The following USP2 variants were observed in gnomAD, a reference collection of about 807,000 sequenced individuals.
USP2 encodes the protein ubiquitin carboxyl-terminal hydrolase 2.
Under a neutral mutation model 72.0 loss-of-function variants are expected in USP2, and 33 were observed. That is an observed-to-expected ratio of 0.46 (90% CI 0.35 to 0.61). The LOEUF (loss-of-function observed/expected upper bound fraction) is 0.61, where lower values mean the gene tolerates loss of function less well. Ranked by LOEUF, USP2 falls within the 20% of genes least tolerant of loss-of-function variation. The pLI is 0.01. For synonymous variants in USP2, 296 were observed against 312.5 expected, an observed-to-expected ratio of 0.95 and a Z score of 0.56; for missense variants, 691 against 797.8, an observed-to-expected ratio of 0.87 and a Z score of 1.61.
At chr11:119,357,693 T>C (rs972996803) in intron 10 of USP2, 64 bp downstream of exon 10, 5 of 1,613,504 alleles carry the variant, frequency 3.1e-6, no homozygotes, top group Admixed American at 3.3e-5. Flanking sequence ...CCCTCACCTA[T>C]GGGCCCCTTG....
Position 119,357,588 on chromosome 11 carries a change from G to T in USP2, c.1504C>A (p.Leu502Met), listed in dbSNP as rs775175368. Reference sequence around the variant, plus strand: ...ATCCTGGATTCTGAGAACCGCTTCAGATCTGGCATTGACGTGAGTCAAGGA... The same window carrying T: ...ATCCTGGATTCTGAGAACCGCTTCATATCTGGCATTGACGTGAGTCAAGGA... Reference protein sequence around the residue: ...QRFPKILVLHLKRFSESRIRT... With the variant: ...QRFPKILVLHMKRFSESRIRT... Residue 502 changes from leucine (L) to methionine (M), a missense_variant and splice_region_variant, in exon 11 of 13, where the codon CTG (leucine) becomes ATG (methionine). Transcript: ENST00000260187. The T allele has an allele frequency of 8.7e-6, 14 of 1,614,054 alleles. No individual in the cohort carries two copies. The Admixed American group carries it at 2.2e-4, about 25-fold the overall frequency.
At chr11:119,362,507 G>T (rs1347415247) in intron 2 of USP2, among the ~76,000 whole-genome samples, 1 of 151,806 alleles carries the variant, frequency 6.6e-6, no homozygotes, top group Non-Finnish European at 1.5e-5. Context: ...AAGGCGGGTG[G>T]ATAACAGGAG....
intron 2 of USP2, among the ~76,000 whole-genome samples, chr11:119,371,702 G>A (rs1300884868): frequency 1.3e-5 from 2 of 152,154 alleles, no homozygotes; most frequent in Non-Finnish European, 2.9e-5. Flanking sequence ...ATTTGTCCTA[G>A]GAGTAGGGAG....
chr11:119,368,396 G>A (rs898424848), intron 2 of USP2, among the ~76,000 whole-genome samples: 26 of 152,348 alleles, frequency 1.7e-4, no homozygotes, highest in Non-Finnish European at 3.2e-4. Flanking sequence ...GACGAGAGGC[G>A]AGTTGTACTT....
At position 119,357,760 on chromosome 11, in the gene USP2, G is replaced by A. The variant is rs748109847; in HGVS notation, c.1498C>T (p.Leu500Phe). 3.7e-6 allele frequency: 6 copies of A among 1,613,786 alleles called. No homozygotes were observed. The East Asian group carries it at 1.3e-4, about 36-fold the overall frequency. Residue 500 changes from leucine to phenylalanine, a missense_variant, in exon 10 of 13, where the codon CTC (leucine) becomes TTC (phenylalanine). Leu to Phe is a conservative substitution (Grantham distance 22). Coordinates refer to ENST00000260187, the MANE Select transcript of USP2 (RefSeq NM_004205.5). ...CCCTGATGGATCTTAAGGATACGGA[G>A]CACCAAGATCTTTGGGAACCTCTGG... ...SIQRFPKILV[L>F]HLKRFSESRI...
chr11:119,369,426 C>G (rs1248300267), intron 2 of USP2, among the ~76,000 whole-genome samples: 2 of 152,088 alleles, frequency 1.3e-5, no homozygotes, highest in African/African-American at 4.8e-5. Context: ...CTGCTGTTGA[C>G]CTCCCTTAAT....
rs957695527 is a variant in USP2, at chr11:119,357,011, C to T, written c.1731-89G>A. On this transcript the variant is annotated intron_variant, in intron 12 of 12. Coordinates refer to ENST00000260187, the MANE Select transcript of USP2 (RefSeq NM_004205.5). Reference sequence around the variant, plus strand: ...TTCTGTGCCCCCGAGGCCGGCCGGCCTGCCTTTCAGGGAGCCTCCCCACGG... The same window carrying T: ...TTCTGTGCCCCCGAGGCCGGCCGGCTTGCCTTTCAGGGAGCCTCCCCACGG... 1.3e-5 allele frequency: 20 copies of T among 1,502,420 alleles called. No homozygotes were observed. The East Asian group carries it at 4.2e-4, about 31-fold the overall frequency. 93.1% of individuals were successfully genotyped at this position (1,502,420 alleles called of 1,614,324 possible).
At chr11:119,357,122 GGT>G in intron 12 of USP2, 63 bp downstream of exon 12, 1 of 1,555,096 alleles carries the variant, frequency 6.4e-7, no homozygotes, top group Non-Finnish European at 8.7e-7. Context: ...TTGGGGGGAG[GGT>G]GGAGGAGTGG....
chr11:119,360,133 C>A (rs900442504), intron 3 of USP2, 51 bp downstream of exon 3: 1 of 1,602,182 alleles, frequency 6.2e-7, no homozygotes, highest in South Asian at 1.1e-5. Context: ...TGGCTCCAGT[C>A]AGCATAGTAG....
At position 119,381,685 on chromosome 11, in the gene USP2, G is replaced by A; in HGVS notation, c.-254C>T. ...CCACCCAGCGGGCAGCCGCCTCATC[G>A]CGCCTGGGCCGGCAGAGCCACACCC... is the stretch of plus-strand genomic sequence containing the variant. On this transcript the variant is annotated 5_prime_UTR_variant, in exon 1 of 13. Coordinates refer to ENST00000260187, the MANE Select transcript of USP2 (RefSeq NM_004205.5). The A allele has an allele frequency of 2.4e-6, 2 of 828,746 alleles. No individual in the cohort carries two copies. Among genetic ancestry groups the A allele is most frequent in the Non-Finnish European group, 3.9e-6 (2 of 509,472 alleles). 51.3% of individuals were successfully genotyped at this position (828,746 alleles called of 1,614,324 possible). A position where few individuals can be genotyped will look rare whatever the true frequency, so the allele number is the denominator to read the frequency against.
chr11:119,366,477 T>C (rs1950854264), intron 2 of USP2, among the ~76,000 whole-genome samples: 1 of 152,234 alleles, frequency 6.6e-6, no homozygotes, highest in Admixed American at 6.5e-5. Flanking sequence ...GTTTGCATGG[T>C]GTTAATCTAT....
At position 119,359,012 on chromosome 11, in the gene USP2, CCT is replaced by C; in HGVS notation, c.1172+10_1172+11del. 1 of 1,613,690 alleles carries C rather than the reference CCT, an allele frequency of 6.2e-7. No individual in the cohort carries two copies. The highest frequency in any genetic ancestry group is 8.5e-7 in the Non-Finnish European group (1 of 1,179,770). On this transcript the variant is annotated intron_variant, in intron 6 of 12. Coordinates refer to ENST00000260187, the MANE Select transcript of USP2 (RefSeq NM_004205.5). ...AAGTTTTGCTTTCCCACAGCATTCT[CCT>C]CTTACTTACGGAAGATGATCGAGGT...
chr11:119,363,715 A>C (rs1309337024), intron 2 of USP2: 8 of 607,612 alleles, frequency 1.3e-5, no homozygotes, highest in Non-Finnish European at 1.7e-5. Flanking sequence ...CCTTGCCAGG[A>C]GACCCTGGGA....
intron 2 of USP2, among the ~76,000 whole-genome samples, chr11:119,361,524 T>C (rs1308921259): frequency 6.6e-6 from 1 of 150,536 alleles, no homozygotes; most frequent in Non-Finnish European, 1.5e-5. Flanking sequence ...AACAGGAGCC[T>C]GAAATAACTC....
intron 1 of USP2, among the ~76,000 whole-genome samples, chr11:119,380,567 G>A (rs140096716): frequency 1.3e-5 from 2 of 152,260 alleles, no homozygotes; most frequent in East Asian, 1.9e-4. Flanking sequence ...CTCCCAGGAC[G>A]TTTCTCGATG....
chr11:119,377,208 G>A (rs1013228214), intron 1 of USP2, among the ~76,000 whole-genome samples: 7 of 152,322 alleles, frequency 4.6e-5, no homozygotes, highest in Admixed American at 2.6e-4. Flanking sequence ...GGAAGTTGGC[G>A]ATGCTGGGAG....
chr11:119,367,058 A>T (rs753731465), intron 2 of USP2, among the ~76,000 whole-genome samples: 19 of 152,180 alleles, frequency 1.2e-4, no homozygotes, highest in African/African-American at 1.7e-4. Flanking sequence ...ACCTTGGCTC[A>T]TCTCTCGGCC....
At chr11:119,363,505 C>T (rs1156442867) in intron 2 of USP2, among the ~76,000 whole-genome samples, 1 of 152,112 alleles carries the variant, frequency 6.6e-6, no homozygotes, top group East Asian at 2.0e-4. Context: ...GTCCAGCGTG[C>T]TGCCCTCGCA....
At chr11:119,363,718 C>T in intron 2 of USP2, 5 of 637,052 alleles carry the variant, frequency 7.8e-6, no homozygotes, top group Admixed American at 4.4e-5. Flanking sequence ...TGCCAGGAGA[C>T]CCTGGGAAAG....
Sources: allele counts gnomAD v4.1 joint callset (sites outside exome capture counted in the v4.1 genomes callset), GRCh38; gene constraint gnomAD v4.1.1; transcripts MANE v1.5; gene names NCBI Gene and HGNC (gene_info 2026-07-23, HGNC 2026-07-21).